CCSER1: variants seen among roughly 807,000 people sequenced by gnomAD.
CCSER1 encodes the protein serine-rich coiled-coil domain-containing protein 1.
CCSER1 carries 41 observed loss-of-function variants against 82.0 expected under a neutral mutation model. That is an observed-to-expected ratio of 0.50 (90% CI 0.39 to 0.65). The LOEUF (loss-of-function observed/expected upper bound fraction) is 0.65. CCSER1 is among the 30% of genes least tolerant of loss of function. The probability of loss-of-function intolerance (pLI) is 0.00; values close to 1 mark genes in which losing one functional copy is unlikely to be tolerated. For synonymous variants in CCSER1, 414 were observed against 383.9 expected (o/e 1.08, Z -0.92); for missense variants, 1,119 against 1,064.2 (o/e 1.05, Z -0.72).
intron 1 of CCSER1, among the ~76,000 whole-genome samples, chr4:90,153,064 T>G (rs1049304143): frequency 2.0e-4 from 23 of 113,840 alleles, no homozygotes; most frequent in Non-Finnish European, 3.5e-4. Context: ...GTCCCCAGAG[T>G]GTGATGTTCC....
intron 9 of CCSER1, among the ~76,000 whole-genome samples, chr4:90,930,712 T>A (rs1425611793): frequency 6.6e-6 from 1 of 151,690 alleles, no homozygotes; most frequent in East Asian, 1.9e-4. Context: ...GTATCTCTCA[T>A]TATCTGTTTA....
At chr4:90,489,170 C>A (rs1454439903) in intron 5 of CCSER1, among the ~76,000 whole-genome samples, 1 of 152,094 alleles carries the variant, frequency 6.6e-6, no homozygotes, top group African/African-American at 2.4e-5. Context: ...AAGAAGCATA[C>A]CCTTGATTAA....
chr4:90,700,621 C>G (rs1322610530), intron 6 of CCSER1, among the ~76,000 whole-genome samples: 4 of 152,138 alleles, frequency 2.6e-5, no homozygotes, highest in African/African-American at 9.7e-5. Flanking sequence ...TAAAAGTGTT[C>G]CTATTTCTCC....
At chr4:91,085,036 C>T (rs56340424) in intron 9 of CCSER1, among the ~76,000 whole-genome samples, 446 of 151,742 alleles carry the variant, frequency 2.9e-3, no homozygotes, top group Admixed American at 5.9e-3. Context: ...GTAATAGTAT[C>T]TTCTTAAATT....
intron 8 of CCSER1, among the ~76,000 whole-genome samples, chr4:90,832,085 C>CT (rs143981503): frequency 3.3e-5 from 5 of 151,056 alleles, no homozygotes; most frequent in Admixed American, 6.6e-5. Context: ...CTATGTGACT[C>CT]TTTTTTTTTC....
chr4:90,569,738 C>T (rs1779881874), intron 5 of CCSER1, among the ~76,000 whole-genome samples: 3 of 152,198 alleles, frequency 2.0e-5, no homozygotes, highest in African/African-American at 4.8e-5. Flanking sequence ...CAAGGCTCTC[C>T]ATCTTGTGCT....
chr4:90,549,214 T>C (rs921504982), intron 5 of CCSER1, among the ~76,000 whole-genome samples: 1 of 152,208 alleles, frequency 6.6e-6, no homozygotes, highest in Non-Finnish European at 1.5e-5. Context: ...CAAAACATGA[T>C]GTCTACCCAT....
At chr4:91,343,253 T>A (rs968323358) in intron 10 of CCSER1, among the ~76,000 whole-genome samples, 8 of 152,020 alleles carry the variant, frequency 5.3e-5, no homozygotes, top group Admixed American at 1.3e-4. Flanking sequence ...TAATAAAAAA[T>A]TTTAAAAATA....
chr4:90,846,332 C>A (rs1389186609), intron 8 of CCSER1, among the ~76,000 whole-genome samples: 3 of 152,156 alleles, frequency 2.0e-5, no homozygotes, highest in African/African-American at 7.2e-5. Context: ...TTAGGTATAT[C>A]ATCCATCCTC....
At chr4:90,506,587 A>G (rs1770717462) in intron 5 of CCSER1, among the ~76,000 whole-genome samples, 1 of 151,910 alleles carries the variant, frequency 6.6e-6, no homozygotes, top group Non-Finnish European at 1.5e-5. Context: ...ACATGATGAA[A>G]CCCTGTCTCT....
chr4:91,598,541 G>T (rs1323660313), intron 10 of CCSER1, 31 bp from the exon 11 acceptor site: 8 of 1,509,328 alleles, frequency 5.3e-6, no homozygotes, highest in Non-Finnish European at 6.2e-6. Context: ...GTTTTTTTAA[G>T]ACATCTTTTT....
intron 8 of CCSER1, among the ~76,000 whole-genome samples, chr4:90,864,658 G>A (rs779534496): frequency 2.6e-4 from 40 of 151,970 alleles, no homozygotes; most frequent in Non-Finnish European, 5.6e-4. Flanking sequence ...ACAAAACAGA[G>A]TAAAACTGAT....
intron 10 of CCSER1, among the ~76,000 whole-genome samples, chr4:91,194,144 A>G (rs1735219487): frequency 6.6e-6 from 1 of 151,944 alleles, no homozygotes; most frequent in South Asian, 2.1e-4. Flanking sequence ...TAATTTTTGT[A>G]TTTTTAGTAG....
chr4:91,437,485 T>G (rs1212346696), intron 10 of CCSER1, among the ~76,000 whole-genome samples: 1 of 151,952 alleles, frequency 6.6e-6, no homozygotes, highest in African/African-American at 2.4e-5. Flanking sequence ...TTTAAAATAA[T>G]TAATATGAGG....
chr4:90,760,851 G>A (rs1750312708), intron 7 of CCSER1, among the ~76,000 whole-genome samples: 2 of 151,992 alleles, frequency 1.3e-5, no homozygotes, highest in Non-Finnish European at 2.9e-5. Context: ...GAAGCTTTCT[G>A]TTTTTTGGCA....
chr4:91,352,033 A>T (rs1429199676), intron 10 of CCSER1, among the ~76,000 whole-genome samples: 1 of 152,208 alleles, frequency 6.6e-6, no homozygotes, highest in Non-Finnish European at 1.5e-5. Context: ...TAACATTTAT[A>T]TTGTAAATTG....
chr4:91,566,686 A>T (rs912944570), intron 10 of CCSER1, among the ~76,000 whole-genome samples: 20 of 152,084 alleles, frequency 1.3e-4, no homozygotes, highest in African/African-American at 4.3e-4. Context: ...AGAGGTGTTC[A>T]TAATAGTTTC....
In CCSER1 at chr4:90,969,953, C is replaced by T. The variant is rs140019656; in HGVS notation, c.2172+46506C>T. ...ATAAAAAAAACCTCTAGTAAATATA[C>T]ATAGATAAAGATAAAGAAATCAAAT... On this transcript the variant is annotated intron_variant, in intron 9 of 10. Coordinates refer to ENST00000509176, the MANE Select transcript of CCSER1 (RefSeq NM_001145065.2). 2.3e-3 allele frequency among the ~76,000 whole-genome samples: 345 copies of T among 150,234 alleles called. 1 individual carries two copies. The highest frequency in any genetic ancestry group is 7.7e-3 in the South Asian group (37 of 4,780).
intron 8 of CCSER1, among the ~76,000 whole-genome samples, chr4:90,919,181 G>T (rs1728015043): frequency 6.7e-6 from 1 of 149,584 alleles, no homozygotes; most frequent in Non-Finnish European, 1.5e-5. Context: ...ATTTCCATCT[G>T]TAATTACTAG....
Sources: allele counts gnomAD v4.1 joint callset (sites outside exome capture counted in the v4.1 genomes callset), GRCh38; gene constraint gnomAD v4.1.1; transcripts MANE v1.5; gene names NCBI Gene and HGNC (gene_info 2026-07-23, HGNC 2026-07-21).